The following TFAP4 variants were observed in gnomAD, a reference collection of about 807,000 sequenced individuals.
TFAP4 encodes the protein transcription factor AP-4.
TFAP4 carries 7 observed loss-of-function variants against 40.4 expected under a neutral mutation model. The ratio of observed to expected loss-of-function variants is 0.17; its 90% confidence interval spans 0.10 to 0.33. The LOEUF (loss-of-function observed/expected upper bound fraction) is 0.33. Among genes scored for constraint, TFAP4 ranks in the 10% least tolerant of loss-of-function variants. The pLI, the probability that TFAP4 is intolerant of heterozygous loss-of-function variation, is 1.00. For synonymous variants in TFAP4, 218 were observed against 181.4 expected (o/e 1.20, Z -1.62); for missense variants, 374 against 451.1 (o/e 0.83, Z 1.55).
rs1176233118 is a variant in TFAP4, at chr16:4,272,900, CG to C, written c.-155del. 8.7e-5 allele frequency: 1 copy of C among 11,516 alleles called. No individual in the cohort carries two copies. The highest frequency in any genetic ancestry group is 1.9e-4 in the Non-Finnish European group (1 of 5,184). 0.7% of individuals were successfully genotyped at this position (11,516 alleles called of 1,614,324 possible). ...GGCGGCGGCGGCGAGGGGAGGGAGGCGGGCGGGAGGGGCGGGAGGGAGGTCT... is the reference window on the plus strand; with the variant it reads ...GGCGGCGGCGGCGAGGGGAGGGAGGCGGCGGGAGGGGCGGGAGGGAGGTCT... On this transcript the variant is annotated 5_prime_UTR_variant, in exon 1 of 7. Coordinates refer to ENST00000204517, the MANE Select transcript of TFAP4 (RefSeq NM_003223.3).
At chr16:4,262,753 A>T (rs758616359) in intron 1 of TFAP4, 52 bp from the exon 2 acceptor site, 2 of 1,581,698 alleles carry the variant, frequency 1.3e-6, no homozygotes, top group African/African-American at 1.3e-5. Flanking sequence ...TTCATCATTC[A>T]TCTCCAGAGG....
At chr16:4,268,760 T>C (rs1356268181) in intron 1 of TFAP4, among the ~76,000 whole-genome samples, 2 of 151,672 alleles carry the variant, frequency 1.3e-5, no homozygotes, top group Non-Finnish European at 2.9e-5. Context: ...ACCCGGCTAG[T>C]TTTTTGTATT....
At chr16:4,270,041 C>T (rs2053029169) in intron 1 of TFAP4, among the ~76,000 whole-genome samples, 1 of 151,944 alleles carries the variant, frequency 6.6e-6, no homozygotes, top group Admixed American at 6.6e-5. Context: ...AAAAATTAGC[C>T]AGGCATGCTG....
At chr16:4,272,350 C>T (rs2053046809) in intron 1 of TFAP4, among the ~76,000 whole-genome samples, 1 of 152,092 alleles carries the variant, frequency 6.6e-6, no homozygotes, top group Non-Finnish European at 1.5e-5. Context: ...GGGGGAAGGC[C>T]ACCAGCACCA....
chr16:4,258,045 G>GC lies in TFAP4; in HGVS notation c.*9_*10insG, dbSNP rs1567199314. 1 of 1,603,566 alleles carries GC rather than the reference G, an allele frequency of 6.2e-7. No individual in the cohort carries two copies. Among genetic ancestry groups the GC allele is most frequent in the African/African-American group, 1.3e-5 (1 of 74,808 alleles). On this transcript the variant is annotated 3_prime_UTR_variant, in exon 7 of 7. Transcript: ENST00000204517. ...AGCCCCCAGAAGGGAGAGGAGGGCT[G>GC]GGGGGGTAGTCAGGGAAGCTCCCCG...
At chr16:4,260,677 CT>C (rs1317474041) in intron 4 of TFAP4, 82 bp from the exon 5 acceptor site, 2 of 1,465,544 alleles carry the variant, frequency 1.4e-6, no homozygotes, top group Admixed American at 4.7e-5. Context: ...TCATTCACTC[CT>C]GCTGAAAACC....
chr16:4,260,615 G>C lies in TFAP4; in HGVS notation c.526-20C>G, dbSNP rs1567200411. ...GCGCACCTGGAGGCAGGACAACCTG[G>C]GCTCAGGGCCAAGGCCGGGAGCACA... On this transcript the variant is annotated intron_variant, in intron 4 of 6. Transcript: ENST00000204517. 3 of 1,574,914 alleles carry C rather than the reference G, an allele frequency of 1.9e-6. No homozygotes were observed. The highest frequency in any genetic ancestry group is 2.6e-6 in the Non-Finnish European group (3 of 1,162,102).
chr16:4,260,681 T>G, intron 4 of TFAP4, 86 bp from the exon 5 acceptor site: 2 of 1,457,620 alleles, frequency 1.4e-6, no homozygotes, highest in Non-Finnish European at 1.8e-6. Context: ...TCACTCCTGC[T>G]GAAAACCCTA....
rs2141085444 is a variant in TFAP4, at chr16:4,257,217, C to A, written c.*838G>T. ...ACAAAGTACAAACTTTATTTTGTTT[C>A]TTTACAAAGGCACGGTGGCCTCTTG... is the stretch of plus-strand genomic sequence containing the variant. On this transcript the variant is annotated 3_prime_UTR_variant, in exon 7 of 7. Coordinates refer to ENST00000204517, the MANE Select transcript of TFAP4 (RefSeq NM_003223.3). The A allele has an allele frequency of 6.7e-6, 1 of 150,258 alleles. No individual in the cohort carries two copies. Among genetic ancestry groups the A allele is most frequent in the South Asian group, 2.1e-4 (1 of 4,760 alleles). The allele number at this position is 150,258 out of a possible 1,614,324, so 9.3% of individuals were successfully genotyped here. A position where few individuals can be genotyped will look rare whatever the true frequency, so the allele number is the denominator to read the frequency against.
rs1434837767 is a variant in TFAP4 at position 4,268,238 on chromosome 16, A to T, written c.89+4420T>A. On this transcript the variant is annotated intron_variant, in intron 1 of 6. Coordinates refer to ENST00000204517, the MANE Select transcript of TFAP4 (RefSeq NM_003223.3). ...TGAGGTCAGAAGTTTCAGACCAGCC[A>T]GGCCAAGATGGTGAAACCCCCTCTC... Among the ~76,000 whole-genome samples the T allele has an allele frequency of 2.0e-5, 3 of 152,272 alleles. No homozygotes were observed. The South Asian group carries it at 6.2e-4, about 32-fold the overall frequency.
intron 1 of TFAP4, chr16:4,264,528 C>A (rs2283479): frequency 0.55 from 83,172 of 152,120 alleles, 23,092 homozygotes; most frequent in East Asian, 0.77. Flanking sequence ...TTGAAATGTC[C>A]GCACTGCAAA....
chr16:4,261,459 T>C (rs1423342301), intron 4 of TFAP4, among the ~76,000 whole-genome samples: 1 of 151,760 alleles, frequency 6.6e-6, no homozygotes, highest in Non-Finnish European at 1.5e-5. Context: ...TTTTTTTTTT[T>C]TGTATTTTTA....
In TFAP4 at chr16:4,258,005, G is replaced by A; in HGVS notation, c.*50C>T. 6.4e-7 allele frequency: 1 copy of A among 1,558,204 alleles called. No individual in the cohort carries two copies. The highest frequency in any genetic ancestry group is 8.7e-7 in the Non-Finnish European group (1 of 1,149,606). On this transcript the variant is annotated 3_prime_UTR_variant, in exon 7 of 7. Coordinates refer to ENST00000204517, the MANE Select transcript of TFAP4 (RefSeq NM_003223.3). ...TTCGCCCATGTCTCTCCCTGTGGCT[G>A]CCCCGGCTCCCTCCAGCCCCCAGAA...
chr16:4,260,959 T>C (rs185741245), intron 4 of TFAP4, among the ~76,000 whole-genome samples: 142 of 152,158 alleles, frequency 9.3e-4, no homozygotes, highest in African/African-American at 3.1e-3. Context: ...TTCAATATGG[T>C]TTTTTGTTTT....
intron 1 of TFAP4, among the ~76,000 whole-genome samples, chr16:4,271,231 A>G (rs1162393444): frequency 6.6e-6 from 1 of 152,128 alleles, no homozygotes; most frequent in Non-Finnish European, 1.5e-5. Context: ...GAGTGTCTAC[A>G]CGTGTGCAGC....
At chr16:4,259,500 C>A (rs2052926952) in intron 6 of TFAP4, among the ~76,000 whole-genome samples, 1 of 152,196 alleles carries the variant, frequency 6.6e-6, no homozygotes, top group Non-Finnish European at 1.5e-5. Flanking sequence ...AATTGTATTA[C>A]ACAATTTGCA....
chr16:4,264,297 A>C (rs1597313719), intron 1 of TFAP4: 1 of 152,588 alleles, frequency 6.6e-6, no homozygotes, highest in Admixed American at 6.5e-5. Flanking sequence ...TCCTGGCCCC[A>C]CCCAGCCTGC....
At chr16:4,259,128 T>C (rs2052923891) in intron 6 of TFAP4, among the ~76,000 whole-genome samples, 1 of 151,872 alleles carries the variant, frequency 6.6e-6, no homozygotes, top group South Asian at 2.1e-4. Context: ...GGACCTTTCA[T>C]ATGTTTTTGT....
chr16:4,265,091 G>C (rs1416589463), intron 1 of TFAP4: 1 of 151,650 alleles, frequency 6.6e-6, no homozygotes, highest in Non-Finnish European at 1.5e-5. Context: ...TTTTTTTTAA[G>C]TTTTTGGCGA....
Sources: gnomAD v4.1 joint callset for allele counts (sites outside exome capture counted in the v4.1 genomes callset) on GRCh38, gnomAD v4.1.1 for gene constraint, MANE v1.5 for transcripts, NCBI Gene and HGNC (gene_info 2026-07-23, HGNC 2026-07-21) for gene names.